The following ZFHX4 variants were observed in gnomAD, a reference collection of about 807,000 sequenced individuals.
ZFHX4 encodes zinc finger homeobox protein 4.
A neutral mutation model predicts 267.6 loss-of-function variants in ZFHX4; 56 were observed. That is an observed-to-expected ratio of 0.21 (90% CI 0.17 to 0.26). The LOEUF is 0.26. ZFHX4 is among the 10% of genes least tolerant of loss of function. The pLI, the probability that ZFHX4 is intolerant of heterozygous loss-of-function variation, is 1.00. For synonymous variants in ZFHX4, 1,778 were observed against 1,665.6 expected (o/e 1.07, Z -1.64); for missense variants, 4,332 against 4,420.0 (o/e 0.98, Z 0.56).
At position 76,851,672 on chromosome 8, in the gene ZFHX4, C is replaced by A; in HGVS notation, c.4751C>A (p.Thr1584Asn). 1 of 1,613,918 alleles carries A rather than the reference C, an allele frequency of 6.2e-7. No individual in the cohort carries two copies. The highest frequency in any genetic ancestry group is 8.5e-7 in the Non-Finnish European group (1 of 1,179,868). Residue 1584 changes from threonine to asparagine, a missense_variant, in exon 10 of 11, where the codon ACC (threonine) becomes AAC (asparagine). By Grantham distance (65) the Thr-to-Asn change is moderately conservative (BLOSUM62 0). Around this residue, in one of 7 missense-constraint regions of ZFHX4, gnomAD observed 1,371 missense variants for 1,423.1 expected, o/e 0.96. Transcript: ENST00000651372. ...GCCTCCAGTCCTGTCCCACAAGAAA[C>A]CAACAGCAACACAGATAACAAACCC... Reference protein sequence around the residue: ...QEASSPVPQETNSNTDNKPYK... With the variant: ...QEASSPVPQENNSNTDNKPYK...
chr8:76,806,160 A>T (rs1246318224), intron 4 of ZFHX4, among the ~76,000 whole-genome samples: 2 of 152,090 alleles, frequency 1.3e-5, no homozygotes, highest in African/African-American at 4.8e-5. Flanking sequence ...CTTCAAGCAG[A>T]TCTCCTTTTC....
intron 9 of ZFHX4, 56 bp from the exon 10 acceptor site, chr8:76,850,830 A>G (rs1443895814): frequency 2.1e-6 from 3 of 1,423,944 alleles, no homozygotes; most frequent in Non-Finnish European, 1.9e-6. Flanking sequence ...ATTAATTAAT[A>G]TTTAAGGAGT....
chr8:76,803,821 A>G (rs1046712086), intron 4 of ZFHX4, among the ~76,000 whole-genome samples: 3 of 152,158 alleles, frequency 2.0e-5, no homozygotes, highest in Admixed American at 6.6e-5. Flanking sequence ...ACCCATTTTG[A>G]CAATACACCA....
chr8:76,761,422 T>G (rs1171036061), intron 3 of ZFHX4, among the ~76,000 whole-genome samples: 1 of 152,250 alleles, frequency 6.6e-6, no homozygotes, highest in Non-Finnish European at 1.5e-5. Context: ...TTATGGCTGC[T>G]TCATTACATG....
chr8:76,810,366 G>A (rs548770206), intron 4 of ZFHX4, among the ~76,000 whole-genome samples: 3 of 152,122 alleles, frequency 2.0e-5, no homozygotes, highest in Non-Finnish European at 4.4e-5. Flanking sequence ...TGATAGAGCT[G>A]GCCAGAGAAA....
chr8:76,824,593 G>A (rs1811737541), intron 4 of ZFHX4, among the ~76,000 whole-genome samples: 1 of 152,030 alleles, frequency 6.6e-6, no homozygotes, highest in South Asian at 2.1e-4. Context: ...CATTTTTTGA[G>A]ACAGGGTCTC....
chr8:76,848,995 G>C lies in ZFHX4; in HGVS notation c.3512G>C (p.Gly1171Ala). The part of the protein sequence containing the change: ...SEGKNSNKDS[G>A]IITPEKELKV... ...TTGTTCTATTCTTTTTGGGAATCAG[G>C]GATAATCACACCAGAGAAGGAACTA... Residue 1171 changes from glycine to alanine, a missense_variant and splice_region_variant, in exon 7 of 11, where the codon GGG becomes GCG. Around this residue, in one of 7 missense-constraint regions of ZFHX4, gnomAD observed 1,371 missense variants for 1,423.1 expected, o/e 0.96. Transcript: ENST00000651372. The C allele has an allele frequency of 6.6e-7, 1 of 1,523,768 alleles. No individual in the cohort carries two copies. The highest frequency in any genetic ancestry group is 8.8e-7 in the Non-Finnish European group (1 of 1,138,722). 94.4% of individuals were successfully genotyped at this position (1,523,768 alleles called of 1,614,324 possible).
chr8:76,846,596 G>C (rs1812370634), intron 6 of ZFHX4, among the ~76,000 whole-genome samples: 1 of 151,814 alleles, frequency 6.6e-6, no homozygotes, highest in African/African-American at 2.4e-5. Flanking sequence ...TTATATTTTT[G>C]ATGAATATTA....
chr8:76,719,329 G>C (rs971266447), intron 3 of ZFHX4, among the ~76,000 whole-genome samples: 1 of 151,968 alleles, frequency 6.6e-6, no homozygotes, highest in African/African-American at 2.4e-5. Flanking sequence ...ACAATGTAAG[G>C]GTTCTCAGTT....
chr8:76,856,254 A>G lies in ZFHX4; in HGVS notation c.9333A>G (p.Gly3111=). Residue 3111 remains glycine, a synonymous_variant, in exon 10 of 11, where the codon GGA becomes GGG. Coordinates refer to ENST00000651372, the MANE Select transcript of ZFHX4 (RefSeq NM_024721.5). ...GCCTTCCTCCAGTCCTTCTCCCCGGAATGAACGGTCCATCCTCCTTGCCGG... is the reference window on the plus strand; with the variant it reads ...GCCTTCCTCCAGTCCTTCTCCCCGGGATGAACGGTCCATCCTCCTTGCCGG... ...LPGLPPVLLP[G]MNGPSSLPGF... 1 of 1,613,904 alleles carries G rather than the reference A, an allele frequency of 6.2e-7. No individual in the cohort carries two copies. The highest frequency in any genetic ancestry group is 8.5e-7 in the Non-Finnish European group (1 of 1,179,864).
chr8:76,825,119 A>C (rs1471728680), intron 4 of ZFHX4, among the ~76,000 whole-genome samples: 1 of 152,190 alleles, frequency 6.6e-6, no homozygotes, highest in African/African-American at 2.4e-5. Flanking sequence ...TATAAATACA[A>C]TCTAAAAAGC....
At chr8:76,781,338 T>C (rs1376112900) in intron 4 of ZFHX4, among the ~76,000 whole-genome samples, 2 of 152,088 alleles carry the variant, frequency 1.3e-5, no homozygotes, top group Non-Finnish European at 2.9e-5. Context: ...AAATAACTAT[T>C]GTCTACTTAA....
intron 6 of ZFHX4, among the ~76,000 whole-genome samples, chr8:76,845,765 T>C (rs1812349698): frequency 1.3e-5 from 2 of 152,068 alleles, no homozygotes; most frequent in South Asian, 4.1e-4. Flanking sequence ...AAATGAATTA[T>C]GTCATTTTTT....
chr8:76,771,451 T>G (rs1273458346), intron 3 of ZFHX4, among the ~76,000 whole-genome samples: 1 of 152,102 alleles, frequency 6.6e-6, no homozygotes, highest in African/African-American at 2.4e-5. Flanking sequence ...TTTGTTTTGT[T>G]TTGAAGAGAT....
chr8:76,824,799 C>T (rs992074435), intron 4 of ZFHX4, among the ~76,000 whole-genome samples: 5 of 152,016 alleles, frequency 3.3e-5, no homozygotes, highest in East Asian at 1.9e-4. Context: ...TCTCGAACTC[C>T]GGCTCAGGTG....
chr8:76,736,205 T>C (rs896157367), intron 3 of ZFHX4, among the ~76,000 whole-genome samples: 1 of 151,758 alleles, frequency 6.6e-6, no homozygotes, highest in Admixed American at 6.6e-5. Context: ...GGAAGTGGCA[T>C]GTATGGTTAA....
intron 1 of ZFHX4, among the ~76,000 whole-genome samples, chr8:76,686,387 G>A (rs1215003637): frequency 6.6e-6 from 1 of 152,036 alleles, no homozygotes; most frequent in African/African-American, 2.4e-5. Flanking sequence ...TTTTTGGACT[G>A]GTGGCCACGC....
At position 76,769,377 on chromosome 8, in the gene ZFHX4, T is replaced by G. The variant is rs367723995; in HGVS notation, c.3094-8831T>G. Among the ~76,000 whole-genome samples, 31 of 152,062 alleles carry G rather than the reference T, an allele frequency of 2.0e-4. No homozygotes were observed. The East Asian group carries it at 5.6e-3, about 28-fold the overall frequency. On this transcript the variant is annotated intron_variant, in intron 3 of 10. Transcript: ENST00000651372. ...TTTCTTCTTTTTTTTTAAGACAGGGTCTTGCTCTGTTGCCCAGGCTGGAGT... is the reference window on the plus strand; with the variant it reads ...TTTCTTCTTTTTTTTTAAGACAGGGGCTTGCTCTGTTGCCCAGGCTGGAGT...
chr8:76,853,648 G>C lies in ZFHX4; in HGVS notation c.6727G>C (p.Asp2243His), dbSNP rs1355325462. The C allele has an allele frequency of 6.2e-7, 1 of 1,613,590 alleles. No homozygotes were observed. Among genetic ancestry groups the C allele is most frequent in the African/African-American group, 1.3e-5 (1 of 74,888 alleles). Reference sequence around the variant, plus strand: ...TGACTACCAGCTTAGGGTTCTGCAAGACTTTTTTGACACAAACGCTTACCC... The same window carrying C: ...TGACTACCAGCTTAGGGTTCTGCAACACTTTTTTGACACAAACGCTTACCC... ...FTDYQLRVLQ[D>H]FFDTNAYPKD... Residue 2243 changes from aspartate (D) to histidine (H), a missense_variant, in exon 10 of 11, where the codon GAC becomes CAC. Coordinates refer to ENST00000651372, the MANE Select transcript of ZFHX4 (RefSeq NM_024721.5).
Sources: allele counts gnomAD v4.1 joint callset (sites outside exome capture counted in the v4.1 genomes callset), GRCh38; gene constraint gnomAD v4.1.1; regional missense constraint gnomAD v4.1.1; transcripts MANE v1.5; gene names NCBI Gene and HGNC (gene_info 2026-07-23, HGNC 2026-07-21).